Variants in HK1 observed in about 807,000 individuals in gnomAD.
HK1 encodes hexokinase-1.
A neutral mutation model predicts 91.6 loss-of-function variants in HK1; 28 were observed. That is an observed-to-expected ratio of 0.31 (90% CI 0.23 to 0.42). HK1 has a LOEUF of 0.42. HK1 is among the 10% of genes least tolerant of loss of function. The pLI is 1.00. For synonymous variants in HK1, 430 were observed against 468.1 expected (o/e 0.92, Z 1.05); for missense variants, 770 against 1,219.8 (o/e 0.63, Z 5.49).
intron 14 of HK1, 179 bp downstream of exon 14, chr10:69,389,475 GA>G: frequency 1.0e-5 from 6 of 590,578 alleles, no homozygotes; most frequent in South Asian, 3.1e-5. Flanking sequence ...CTGGCGGGGG[GA>G]GGTGGGGGGG....
rs183648433 is a variant in HK1, at chr10:69,296,920, G to C, written c.-67+1240G>C. Reference sequence around the variant, plus strand: ...CCTTGGGCATCCAGGAAACCAGAGAGGGGGTAGGGGGCATAAGTGTAGTGA... The same window carrying C: ...CCTTGGGCATCCAGGAAACCAGAGACGGGGTAGGGGGCATAAGTGTAGTGA... On this transcript the variant is annotated intron_variant, in intron 4 of 21. Transcript: ENST00000360289. Among the ~76,000 whole-genome samples the C allele has an allele frequency of 3.9e-4, 60 of 152,220 alleles. 1 individual carries two copies. In the East Asian group the frequency reaches 9.3e-3, roughly 23 times the overall value.
chr10:69,279,066 G>C (rs1844606194), intron 1 of HK1, among the ~76,000 whole-genome samples: 1 of 152,202 alleles, frequency 6.6e-6, no homozygotes, highest in Admixed American at 6.5e-5. Context: ...TTCTTTGGAA[G>C]TTTTGTTTTC....
intron 4 of HK1, 149 bp downstream of exon 4, chr10:69,365,051 T>C: frequency 2.4e-6 from 2 of 837,374 alleles, no homozygotes; most frequent in Non-Finnish European, 3.9e-6. Flanking sequence ...GTTAGTGTGG[T>C]ATCATGATAT....
At chr10:69,282,132 G>A (rs1296189225) in intron 1 of HK1, among the ~76,000 whole-genome samples, 1 of 152,080 alleles carries the variant, frequency 6.6e-6, no homozygotes. Flanking sequence ...TGTAAGCGTC[G>A]GCTTCCCTCC....
intron 8 of HK1, among the ~76,000 whole-genome samples, chr10:69,379,024 G>C (rs527782963): frequency 6.6e-6 from 1 of 152,244 alleles, no homozygotes; most frequent in South Asian, 2.1e-4. Flanking sequence ...TTTGAGGTTC[G>C]TGCCGCAGTA....
intron 5 of HK1, among the ~76,000 whole-genome samples, chr10:69,304,977 C>T (rs979367820): frequency 6.6e-6 from 1 of 152,188 alleles, no homozygotes; most frequent in Non-Finnish European, 1.5e-5. Flanking sequence ...CCTCCCTTGC[C>T]TCTTCCAGCT....
chr10:69,276,090 C>CAAAAA (rs60324656), intron 1 of HK1, among the ~76,000 whole-genome samples: 702 of 15,916 alleles, frequency 0.044, 145 homozygotes, highest in Non-Finnish European at 0.058. Flanking sequence ...AACTCCTTTT[C>CAAAAA]AAAAAAAAAA....
intron 2 of HK1, among the ~76,000 whole-genome samples, chr10:69,359,533 G>C (rs749375425): frequency 6.6e-6 from 1 of 152,132 alleles, no homozygotes; most frequent in Non-Finnish European, 1.5e-5. Context: ...GTTGAAATGC[G>C]GTGTGATTTT....
At chr10:69,299,391 G>A (rs137996531) in intron 4 of HK1, among the ~76,000 whole-genome samples, 2,729 of 142,152 alleles carry the variant, frequency 0.019, 52 homozygotes, top group Non-Finnish European at 0.029. Flanking sequence ...TGTTTGAGAC[G>A]GAGTCTCTCT....
At chr10:69,341,415 C>A (rs935355312) in intron 1 of HK1, among the ~76,000 whole-genome samples, 1 of 151,922 alleles carries the variant, frequency 6.6e-6, no homozygotes, top group Non-Finnish European at 1.5e-5. Context: ...CCTGCCTTAG[C>A]CTCCCAAAGT....
chr10:69,299,113 T>C (rs922711028), intron 4 of HK1, among the ~76,000 whole-genome samples: 2 of 151,132 alleles, frequency 1.3e-5, no homozygotes, highest in African/African-American at 4.9e-5. Context: ...CCTATGTTTT[T>C]ATTTTTTTTA....
chr10:69,306,047 A>G (rs1355071115), intron 5 of HK1, among the ~76,000 whole-genome samples: 1 of 151,982 alleles, frequency 6.6e-6, no homozygotes, highest in African/African-American at 2.4e-5. Context: ...GGGTTTGAGG[A>G]CTTCAATATT....
At chr10:69,309,525 C>T (rs1022541460) in intron 5 of HK1, among the ~76,000 whole-genome samples, 19 of 131,022 alleles carry the variant, frequency 1.5e-4, no homozygotes, top group African/African-American at 2.9e-4. Context: ...AAAAAAAAGC[C>T]GCGAGGTGGC....
At position 69,368,629 on chromosome 10, in the gene HK1, G is replaced by A; in HGVS notation, c.589G>A (p.Gly197Arg). The stretch of plus-strand genomic sequence containing the variant: ...GCTTAACAAAGCCATCAAAAAGCGA[G>A]GGGTAATTTCTCCTGGGCCCTCTGC... Reference protein sequence around the residue: ...KLLNKAIKKRGDYDANIVAVV... With the variant: ...KLLNKAIKKRRDYDANIVAVV... Residue 197 changes from glycine to arginine, a missense_variant and splice_region_variant, in exon 5 of 18, where the codon GGG (glycine) becomes AGG (arginine). Physicochemically the swap from Gly to Arg is moderately radical, Grantham distance 125. This residue lies in a region of HK1 where 449 missense variants were observed against 665.1 expected (regional missense o/e 0.68). Transcript: ENST00000359426. 5 of 1,613,030 alleles carry A rather than the reference G, an allele frequency of 3.1e-6. No individual in the cohort carries two copies. The highest frequency in any genetic ancestry group is 4.2e-6 in the Non-Finnish European group (5 of 1,178,978).
chr10:69,275,053 A>G (rs1231903578), intron 1 of HK1, among the ~76,000 whole-genome samples: 2 of 152,086 alleles, frequency 1.3e-5, no homozygotes, highest in African/African-American at 4.8e-5. Context: ...AAAGAAATAT[A>G]TATGATTTTT....
intron 2 of HK1, among the ~76,000 whole-genome samples, chr10:69,356,546 A>G (rs548267608): frequency 3.2e-4 from 48 of 152,294 alleles, no homozygotes; most frequent in Non-Finnish European, 6.5e-4. Flanking sequence ...CTGATAAAGG[A>G]TTTGTATCTA....
intron 2 of HK1, chr10:69,282,844 C>G (rs548066753): frequency 2.6e-5 from 4 of 151,978 alleles, no homozygotes; most frequent in African/African-American, 9.7e-5. Flanking sequence ...GAGCTGGGTG[C>G]GGTGGCTCAT....
chr10:69,370,276 G>A (rs1849930609), intron 7 of HK1, among the ~76,000 whole-genome samples: 1 of 152,000 alleles, frequency 6.6e-6, no homozygotes, highest in African/African-American at 2.4e-5. Context: ...GGTACTGGTG[G>A]TCAGGGGAGG....
intron 17 of HK1, among the ~76,000 whole-genome samples, chr10:69,399,955 A>C (rs1840314754): frequency 1.3e-5 from 2 of 152,088 alleles, no homozygotes; most frequent in Admixed American, 6.5e-5. Context: ...GTCTTGCTCC[A>C]TCCTCACCTC....
Sources: allele counts gnomAD v4.1 joint callset (sites outside exome capture counted in the v4.1 genomes callset), GRCh38; gene constraint gnomAD v4.1.1; regional missense constraint gnomAD v4.1.1; transcripts MANE v1.5; gene names NCBI Gene and HGNC (gene_info 2026-07-23, HGNC 2026-07-21).